The following AKT3 variants were observed in gnomAD, a reference collection of about 807,000 sequenced individuals.
AKT3 encodes AKT serine/threonine kinase 3.
A neutral mutation model predicts 65.3 loss-of-function variants in AKT3; 15 were observed. The observed-to-expected ratio is 0.23, with a 90% CI of 0.15 to 0.35. AKT3 has a LOEUF of 0.35. AKT3 is among the 10% of genes least tolerant of loss of function. The pLI is 1.00. For missense variants in AKT3, 243 were observed against 576.5 expected, an observed-to-expected ratio of 0.42 and a Z score of 5.92; for synonymous variants, 206 against 183.8, an observed-to-expected ratio of 1.12 and a Z score of -0.98.
At chr1:243,553,525 T>G (rs1673212811) in intron 10 of AKT3, among the ~76,000 whole-genome samples, 1 of 152,200 alleles carries the variant, frequency 6.6e-6, no homozygotes, top group Non-Finnish European at 1.5e-5. Flanking sequence ...CTGGAACTAT[T>G]TAAGAGACAA....
intron 12 of AKT3, among the ~76,000 whole-genome samples, chr1:243,537,342 C>T (rs1672005118): frequency 6.6e-6 from 1 of 151,968 alleles, no homozygotes; most frequent in Admixed American, 6.6e-5. Context: ...TATTTATTTC[C>T]ATTTTAACTC....
At chr1:243,488,560 C>G in intron 13 of AKT3, 1 of 215,344 alleles carries the variant, frequency 4.6e-6, no homozygotes, top group Non-Finnish European at 9.5e-6. Flanking sequence ...TCAGCGATGC[C>G]GGAGCTCGTG....
chr1:243,831,303 G>A (rs1694492065), intron 2 of AKT3, among the ~76,000 whole-genome samples: 1 of 152,216 alleles, frequency 6.6e-6, no homozygotes, highest in Non-Finnish European at 1.5e-5. Context: ...ACAGATCTAT[G>A]TAATAACAAG....
chr1:243,724,507 C>T (rs1339777343), intron 2 of AKT3, among the ~76,000 whole-genome samples: 1 of 152,010 alleles, frequency 6.6e-6, no homozygotes, highest in Non-Finnish European at 1.5e-5. Context: ...CATTATAAGA[C>T]TTATGGTATC....
intron 8 of AKT3, among the ~76,000 whole-genome samples, chr1:243,606,268 T>C (rs1184822873): frequency 1.3e-5 from 2 of 152,128 alleles, no homozygotes; most frequent in Admixed American, 6.5e-5. Flanking sequence ...TGGAACAGTA[T>C]GGAGGGCTCA....
chr1:243,567,082 C>T (rs1674210840), intron 9 of AKT3, among the ~76,000 whole-genome samples: 1 of 152,106 alleles, frequency 6.6e-6, no homozygotes, highest in Admixed American at 6.5e-5. Context: ...GAGTTCAAGA[C>T]CAGCCTGGGC....
intron 2 of AKT3, among the ~76,000 whole-genome samples, chr1:243,714,081 T>C (rs1686339877): frequency 6.6e-6 from 1 of 152,190 alleles, no homozygotes. Flanking sequence ...TGAGAGAAGC[T>C]AATTTGAAAA....
At chr1:243,701,049 T>A (rs1316567719) in intron 2 of AKT3, among the ~76,000 whole-genome samples, 2 of 152,228 alleles carry the variant, frequency 1.3e-5, no homozygotes, top group African/African-American at 4.8e-5. Context: ...ACATTTTATT[T>A]CATTATTCAT....
chr1:243,627,838 C>T (rs1679293794), intron 6 of AKT3, among the ~76,000 whole-genome samples: 1 of 152,160 alleles, frequency 6.6e-6, no homozygotes, highest in Non-Finnish European at 1.5e-5. Context: ...AATTCTGTAT[C>T]TGGGGACTAG....
At chr1:243,770,587 A>G (rs1690118202) in intron 2 of AKT3, among the ~76,000 whole-genome samples, 3 of 152,156 alleles carry the variant, frequency 2.0e-5, no homozygotes, top group African/African-American at 7.2e-5. Context: ...AATCCTTTGT[A>G]TCACCAAAAA....
intron 13 of AKT3, among the ~76,000 whole-genome samples, chr1:243,506,835 G>A (rs1005720757): frequency 1.3e-5 from 2 of 152,146 alleles, no homozygotes; most frequent in African/African-American, 4.8e-5. Flanking sequence ...TCCTTATAAA[G>A]TTATTGGTTC....
intron 2 of AKT3, among the ~76,000 whole-genome samples, chr1:243,745,858 T>C (rs990000455): frequency 1.3e-5 from 2 of 152,156 alleles, no homozygotes; most frequent in Non-Finnish European, 2.9e-5. Flanking sequence ...ATACATGCCT[T>C]TGAAGTTGGA....
chr1:243,795,511 G>A (rs1237052953), intron 2 of AKT3, among the ~76,000 whole-genome samples: 31 of 114,966 alleles, frequency 2.7e-4, no homozygotes, highest in Admixed American at 9.0e-4. Context: ...TCGCTCTGTC[G>A]CCCAGGCTGG....
At chr1:243,570,205 G>A (rs935046769) in intron 9 of AKT3, among the ~76,000 whole-genome samples, 3 of 152,208 alleles carry the variant, frequency 2.0e-5, no homozygotes, top group African/African-American at 4.8e-5. Flanking sequence ...AGCGGCAAAC[G>A]GGTATGGATT....
At chr1:243,846,411 G>C (rs1695525505) in intron 1 of AKT3, among the ~76,000 whole-genome samples, 1 of 152,052 alleles carries the variant, frequency 6.6e-6, no homozygotes. Flanking sequence ...TTTTCTTCTA[G>C]TAAATCTTTT....
rs531434580 is a variant in AKT3 at position 243,547,261 on chromosome 1, C to T, written c.1164-1664G>A. Among the ~76,000 whole-genome samples the T allele has an allele frequency of 5.3e-5, 8 of 152,182 alleles. No homozygotes were observed. The South Asian group carries it at 1.7e-3, about 31-fold the overall frequency. On this transcript the variant is annotated intron_variant, in intron 11 of 13. Coordinates refer to ENST00000673466, the MANE Select transcript of AKT3 (RefSeq NM_005465.7). ...ATTATGTCCAAACAGATACAGCAGA[C>T]ATAACTAATCTCAAAAATACAGATA...
chr1:243,714,607 A>G (rs1400859660), intron 2 of AKT3, among the ~76,000 whole-genome samples: 2 of 152,178 alleles, frequency 1.3e-5, no homozygotes, highest in African/African-American at 4.8e-5. Context: ...TATGTCCTAA[A>G]AATTTTAGGA....
At position 243,646,844 on chromosome 1, in the gene AKT3, A is replaced by T. The variant is rs183914998; in HGVS notation, c.285-807T>A. 4.1e-4 allele frequency among the ~76,000 whole-genome samples: 62 copies of T among 152,098 alleles called. 1 individual carries two copies. Among genetic ancestry groups the T allele is most frequent in the East Asian group, 3.5e-3 (18 of 5,192 alleles). ...CATAGTAAATTTCTTAGAAAAAATT[A>T]AAAAAAAGGATACAGCTTGTAGTTT... On this transcript the variant is annotated intron_variant, in intron 4 of 13. Transcript: ENST00000673466.
At chr1:243,723,762 CA>C (rs908327701) in intron 2 of AKT3, among the ~76,000 whole-genome samples, 1 of 150,852 alleles carries the variant, frequency 6.6e-6, no homozygotes, top group Non-Finnish European at 1.5e-5. Flanking sequence ...ACAAAAAATA[CA>C]AAAAAAAATT....
Sources: allele counts gnomAD v4.1 joint callset (sites outside exome capture counted in the v4.1 genomes callset), GRCh38; gene constraint gnomAD v4.1.1; transcripts MANE v1.5; gene names NCBI Gene and HGNC (gene_info 2026-07-23, HGNC 2026-07-21).